Variants in SOX5 observed in about 807,000 individuals in gnomAD.
SOX5 encodes SRY-box transcription factor 5.
SOX5 carries 9 observed loss-of-function variants against 92.0 expected under a neutral mutation model. The ratio of observed to expected loss-of-function variants is 0.10; its 90% CI spans 0.06 to 0.17. SOX5 has a LOEUF of 0.17. SOX5 is among the 10% of genes least tolerant of loss of function. The pLI, the probability that SOX5 is intolerant of heterozygous loss-of-function variation, is 1.00. For synonymous variants in SOX5, 344 were observed against 336.3 expected, an observed-to-expected ratio of 1.02 and a Z score of -0.25; for missense variants, 642 against 944.5, an observed-to-expected ratio of 0.68 and a Z score of 4.20.
intron 4 of SOX5, among the ~76,000 whole-genome samples, chr12:23,994,444 T>G (rs763665892): frequency 6.6e-6 from 1 of 152,184 alleles, no homozygotes; most frequent in African/African-American, 2.4e-5. Flanking sequence ...TATGTATAGA[T>G]AGGTATATAT....
intron 4 of SOX5, among the ~76,000 whole-genome samples, chr12:24,130,548 G>A (rs1368250742): frequency 6.6e-6 from 1 of 152,142 alleles, no homozygotes; most frequent in Non-Finnish European, 1.5e-5. Flanking sequence ...GTTGAGTAAA[G>A]AATGGTTTGC....
chr12:24,148,688 T>TAAAAAAAAA (rs398018872), intron 4 of SOX5, among the ~76,000 whole-genome samples: 2 of 70,950 alleles, frequency 2.8e-5, no homozygotes, highest in African/African-American at 8.6e-5. Context: ...CCATCTCTAC[T>TAAAAAAAAA]AAAAAAAAAA....
At chr12:24,111,318 C>G (rs150372436) in intron 4 of SOX5, among the ~76,000 whole-genome samples, 1 of 152,164 alleles carries the variant, frequency 6.6e-6, no homozygotes, top group African/African-American at 2.4e-5. Context: ...ATCATCTGTA[C>G]TCATGCTTCA....
intron 3 of SOX5, among the ~76,000 whole-genome samples, chr12:23,828,537 T>C (rs138108320): frequency 6.6e-5 from 10 of 152,326 alleles, no homozygotes; most frequent in African/African-American, 2.2e-4. Context: ...TATTGTGTTG[T>C]GTCAGTCTGT....
intron 1 of SOX5, among the ~76,000 whole-genome samples, chr12:24,424,809 G>A (rs903133964): frequency 3.1e-5 from 4 of 128,332 alleles, no homozygotes; most frequent in Non-Finnish European, 6.5e-5. Flanking sequence ...TTTTTTTTTT[G>A]GGGGGGGGGG....
chr12:23,634,360 A>G (rs2078947306), intron 8 of SOX5, among the ~76,000 whole-genome samples: 2 of 152,196 alleles, frequency 1.3e-5, no homozygotes, highest in African/African-American at 2.4e-5. Context: ...GAAGTGTGCT[A>G]TCTCTTAGGA....
At chr12:24,540,110 A>G (rs1951987060) in intron 1 of SOX5, among the ~76,000 whole-genome samples, 2 of 152,140 alleles carry the variant, frequency 1.3e-5, no homozygotes, top group Admixed American at 6.6e-5. Flanking sequence ...AGTCAATGGC[A>G]GTATTTAAAT....
At chr12:23,564,719 C>A (rs568965281) in intron 10 of SOX5, among the ~76,000 whole-genome samples, 1 of 152,252 alleles carries the variant, frequency 6.6e-6, no homozygotes, top group Non-Finnish European at 1.5e-5. Flanking sequence ...GGCTAACTGC[C>A]GTGTTAGGAA....
chr12:24,063,970 C>G (rs148728325), intron 4 of SOX5, among the ~76,000 whole-genome samples: 298 of 152,284 alleles, frequency 2.0e-3, no homozygotes, highest in Admixed American at 4.5e-3. Flanking sequence ...AAATGCCACA[C>G]AGTTTAGAAT....
chr12:24,092,036 T>C (rs117907734), intron 4 of SOX5, among the ~76,000 whole-genome samples: 5,747 of 152,278 alleles, frequency 0.038, 142 homozygotes, highest in Admixed American at 0.06. Flanking sequence ...TAAACTACTA[T>C]ACATCCTAGA....
intron 3 of SOX5, among the ~76,000 whole-genome samples, chr12:24,253,526 A>G (rs1940580918): frequency 6.6e-6 from 1 of 152,186 alleles, no homozygotes; most frequent in South Asian, 2.1e-4. Flanking sequence ...AAACGGCAAA[A>G]CAAAAGGAAA....
At position 24,362,548 on chromosome 12, in the gene SOX5, G is replaced by A. The variant is rs557821034; in HGVS notation, c.-174+6015C>T. Among the ~76,000 whole-genome samples, 24 of 152,272 alleles carry A rather than the reference G, an allele frequency of 1.6e-4. No individual in the cohort carries two copies. The East Asian group carries it at 2.3e-3, about 15-fold the overall frequency. ...GGAACACTCAGCCTATAAAATGGACGATAAAATCACTATCAGAATAGACAC... is the reference window on the plus strand; with the variant it reads ...GGAACACTCAGCCTATAAAATGGACAATAAAATCACTATCAGAATAGACAC... On this transcript the variant is annotated intron_variant, in intron 2 of 4. Transcript: ENST00000446891.
chr12:24,493,650 G>C (rs372949837), intron 1 of SOX5, among the ~76,000 whole-genome samples: 4 of 152,048 alleles, frequency 2.6e-5, no homozygotes, highest in African/African-American at 9.7e-5. Context: ...GGATCACAAG[G>C]TCAGGAGATC....
chr12:23,971,831 G>T (rs1174807850), intron 4 of SOX5, among the ~76,000 whole-genome samples: 1 of 152,060 alleles, frequency 6.6e-6, no homozygotes, highest in Non-Finnish European at 1.5e-5. Flanking sequence ...GCTGCTGAGT[G>T]CTAAACATTG....
intron 4 of SOX5, among the ~76,000 whole-genome samples, chr12:24,096,553 AT>A (rs1945437821): frequency 6.6e-6 from 1 of 152,176 alleles, no homozygotes; most frequent in South Asian, 2.1e-4. Context: ...ATTATACAAT[AT>A]TTGTACTTTT....
At chr12:24,547,126 G>A (rs1174490005) in intron 1 of SOX5, among the ~76,000 whole-genome samples, 2 of 151,836 alleles carry the variant, frequency 1.3e-5, no homozygotes, top group Admixed American at 6.6e-5. Context: ...GTAGGGGTAG[G>A]AGGAGTATAG....
chr12:24,440,240 C>T (rs993918812), intron 1 of SOX5, among the ~76,000 whole-genome samples: 2 of 152,128 alleles, frequency 1.3e-5, no homozygotes, highest in Non-Finnish European at 2.9e-5. Flanking sequence ...ACTGGCAATG[C>T]CACAGACGCT....
intron 3 of SOX5, among the ~76,000 whole-genome samples, chr12:23,836,204 G>A (rs900929068): frequency 8.6e-5 from 13 of 151,820 alleles, no homozygotes; most frequent in Middle Eastern, 3.4e-3. Flanking sequence ...TTAACTGTTA[G>A]GTTTAATTGC....
At chr12:24,088,387 C>T (rs576048792) in intron 4 of SOX5, among the ~76,000 whole-genome samples, 6 of 152,050 alleles carry the variant, frequency 3.9e-5, no homozygotes, top group African/African-American at 1.4e-4. Flanking sequence ...AGTCTACTAT[C>T]AACTATTTTC....
Sources: gnomAD v4.1 joint callset for allele counts (sites outside exome capture counted in the v4.1 genomes callset) on GRCh38, gnomAD v4.1.1 for gene constraint, MANE v1.5 for transcripts, NCBI Gene and HGNC (gene_info 2026-07-23, HGNC 2026-07-21) for gene names.